The following FER variants were observed in gnomAD, a reference collection of about 807,000 sequenced individuals.
The protein encoded by FER is FER tyrosine kinase, also known as tyrosine-protein kinase Fer.
A neutral mutation model predicts 111.0 loss-of-function variants in FER; 63 were observed. The observed-to-expected ratio is 0.57, with a 90% CI of 0.46 to 0.70. The LOEUF is 0.70. Ranked by LOEUF, FER falls within the 30% of genes least tolerant of loss-of-function variation. The probability of loss-of-function intolerance (pLI) is 0.00; values close to 1 mark genes in which losing one functional copy is unlikely to be tolerated. For missense variants in FER, 914 were observed against 954.0 expected, an observed-to-expected ratio of 0.96 and a Z score of 0.55; for synonymous variants, 327 against 313.9, an observed-to-expected ratio of 1.04 and a Z score of -0.44.
rs991657820 is a variant in FER, at chr5:109,196,505, G to A, written c.*8930G>A. The A allele has an allele frequency of 6.6e-6, 1 of 152,132 alleles. No homozygotes were observed. The highest frequency in any genetic ancestry group is 6.5e-5 in the Admixed American group (1 of 15,270). The allele number at this position is 152,132 out of a possible 1,614,324, so 9.4% of individuals were successfully genotyped here. ...TGTAAAACACAAACAAGGCTTTGGC[G>A]GGTTTATCTGGCTTTATAAACAAGT... On this transcript the variant is annotated 3_prime_UTR_variant, in exon 20 of 20. Transcript: ENST00000281092.
At position 108,759,856 on chromosome 5, in the gene FER, G is replaced by T. The variant is rs545119333; in HGVS notation, c.-205-8237G>T. On this transcript the variant is annotated intron_variant, in intron 1 of 19. Transcript: ENST00000281092. ...CACACCTTCCAATACAATGACCCTG[G>T]GGAAGTTTTCAATACATGAATTATG... 3.9e-5 allele frequency among the ~76,000 whole-genome samples: 6 copies of T among 152,250 alleles called. No homozygotes were observed. In the South Asian group the frequency reaches 1.2e-3, roughly 32 times the overall value.
intron 17 of FER, among the ~76,000 whole-genome samples, chr5:109,123,357 C>T (rs1298573548): frequency 1.3e-5 from 2 of 151,966 alleles, no homozygotes; most frequent in African/African-American, 4.8e-5. Flanking sequence ...AGGGTTTCAC[C>T]GTGTTAGCCG....
chr5:108,858,770 T>C (rs76205436), intron 5 of FER, among the ~76,000 whole-genome samples: 193 of 146,084 alleles, frequency 1.3e-3, no homozygotes, highest in African/African-American at 4.2e-3. Flanking sequence ...TTTTTCATTT[T>C]TTTTTTTTTT....
chr5:109,055,956 G>A lies in FER; in HGVS notation c.1924+8758G>A, dbSNP rs561225956. Among the ~76,000 whole-genome samples the A allele has an allele frequency of 4.6e-5, 7 of 151,696 alleles. No individual in the cohort carries two copies. The East Asian group carries it at 1.2e-3, about 25-fold the overall frequency. ...GTTTCTCCAAAGAAAACATAAAAAT[G>A]GCCGACAGATATACGATAGGTGCTC... On this transcript the variant is annotated intron_variant, in intron 16 of 19. Transcript: ENST00000281092.
chr5:108,754,420 A>T (rs1437000348), intron 1 of FER, among the ~76,000 whole-genome samples: 1 of 140,330 alleles, frequency 7.1e-6, no homozygotes, highest in African/African-American at 2.5e-5. Flanking sequence ...AAAAAAAAAA[A>T]AAAAAAAAAA....
chr5:108,974,021 A>T (rs926013742), intron 13 of FER, among the ~76,000 whole-genome samples: 9 of 152,220 alleles, frequency 5.9e-5, no homozygotes, highest in Non-Finnish European at 1.3e-4. Flanking sequence ...ATCAATGTTC[A>T]TCTGAAATAA....
chr5:109,153,223 T>A (rs949491771), intron 17 of FER, among the ~76,000 whole-genome samples: 45 of 148,756 alleles, frequency 3.0e-4, no homozygotes, highest in East Asian at 2.0e-3. Context: ...AAAAAAAAAA[T>A]CAATTTGGAC....
intron 16 of FER, among the ~76,000 whole-genome samples, chr5:109,100,166 A>G (rs1027983632): frequency 1.3e-5 from 2 of 151,726 alleles, no homozygotes; most frequent in African/African-American, 2.4e-5. Flanking sequence ...ACAATATGAA[A>G]CACTTAAAGT....
chr5:108,779,374 A>G (rs1256446048), intron 2 of FER, among the ~76,000 whole-genome samples: 1 of 152,190 alleles, frequency 6.6e-6, no homozygotes, highest in Non-Finnish European at 1.5e-5. Flanking sequence ...CTATAAATGA[A>G]ATTGGGAAGA....
chr5:108,957,030 A>G (rs1013626861), intron 12 of FER, among the ~76,000 whole-genome samples: 10 of 151,652 alleles, frequency 6.6e-5, no homozygotes, highest in African/African-American at 1.9e-4. Context: ...AATATTAAAT[A>G]GTTGATCAAT....
At chr5:109,020,692 C>T (rs1339742403) in intron 13 of FER, among the ~76,000 whole-genome samples, 2 of 152,012 alleles carry the variant, frequency 1.3e-5, no homozygotes, top group Non-Finnish European at 2.9e-5. Context: ...CACTTCGCGG[C>T]CGAGCTTTGC....
chr5:109,047,337 T>C (rs565379519), intron 16 of FER, 139 bp downstream of exon 16: 1 of 543,272 alleles, frequency 1.8e-6, no homozygotes, highest in Non-Finnish European at 3.3e-6. Flanking sequence ...AAAGAGTCTG[T>C]ACCTATAGTC....
At chr5:108,993,374 C>CA (rs1763521906) in intron 13 of FER, among the ~76,000 whole-genome samples, 1 of 152,140 alleles carries the variant, frequency 6.6e-6, no homozygotes, top group South Asian at 2.1e-4. Context: ...CCGTCTCCAC[C>CA]AAAAAAATAC....
At chr5:109,051,321 C>T (rs1245379306) in intron 16 of FER, 8 of 1,588,576 alleles carry the variant, frequency 5.0e-6, no homozygotes, top group East Asian at 2.2e-5. Flanking sequence ...TCTAGATCTC[C>T]AGGTCATCAG....
At chr5:109,101,190 G>A (rs997432931) in intron 17 of FER, among the ~76,000 whole-genome samples, 1 of 152,012 alleles carries the variant, frequency 6.6e-6, no homozygotes, top group African/African-American at 2.4e-5. Context: ...TTTATGATCT[G>A]TTGCAGAATT....
chr5:108,811,311 A>G (rs1580672372), intron 3 of FER, among the ~76,000 whole-genome samples: 1 of 152,168 alleles, frequency 6.6e-6, no homozygotes, highest in African/African-American at 2.4e-5. Flanking sequence ...CCAAAATACC[A>G]TGTTATATTA....
chr5:108,838,859 G>A (rs1760943163), intron 5 of FER, among the ~76,000 whole-genome samples: 1 of 152,080 alleles, frequency 6.6e-6, no homozygotes, highest in South Asian at 2.1e-4. Flanking sequence ...GGTATGTTGA[G>A]GGAGCACATG....
intron 8 of FER, 142 bp downstream of exon 8, chr5:108,872,354 T>C (rs1448233460): frequency 4.2e-6 from 3 of 716,610 alleles, no homozygotes; most frequent in Non-Finnish European, 6.4e-6. Flanking sequence ...TTGAGAAATA[T>C]GTTAATTTTA....
At chr5:108,888,021 T>C (rs1403769506) in intron 9 of FER, among the ~76,000 whole-genome samples, 2 of 151,924 alleles carry the variant, frequency 1.3e-5, no homozygotes, top group Non-Finnish European at 2.9e-5. Context: ...GATAGAGCCA[T>C]GCAGAATCTT....
Sources: allele counts gnomAD v4.1 joint callset (sites outside exome capture counted in the v4.1 genomes callset), GRCh38; gene constraint gnomAD v4.1.1; transcripts MANE v1.5; gene names NCBI Gene and HGNC (gene_info 2026-07-23, HGNC 2026-07-21).